The following GABRB3 variants were observed in gnomAD, a reference collection of about 807,000 sequenced individuals.
GABRB3 encodes gamma-aminobutyric acid receptor subunit beta-3.
GABRB3 carries 14 observed loss-of-function variants against 52.1 expected under a neutral mutation model. The ratio of observed to expected loss-of-function variants is 0.27; its 90% CI spans 0.18 to 0.42. The LOEUF (loss-of-function observed/expected upper bound fraction) is 0.42, where lower values mean the gene tolerates loss of function less well. GABRB3 is among the 10% of genes least tolerant of loss of function. The pLI is 1.00. For synonymous variants in GABRB3, 260 were observed against 232.3 expected (o/e 1.12, Z -1.08); for missense variants, 307 against 609.1 (o/e 0.50, Z 5.22).
At chr15:26,579,082 T>C (rs1595455494) in intron 6 of GABRB3, among the ~76,000 whole-genome samples, 1 of 152,200 alleles carries the variant, frequency 6.6e-6, no homozygotes, top group East Asian at 1.9e-4. Context: ...ACTTTGGCTC[T>C]TAGGGGCTGG....
At chr15:26,549,268 G>A (rs1889370459) in intron 8 of GABRB3, among the ~76,000 whole-genome samples, 1 of 152,216 alleles carries the variant, frequency 6.6e-6, no homozygotes, top group South Asian at 2.1e-4. Flanking sequence ...GAGGTGAGGT[G>A]GTGAGAGGAG....
At chr15:26,664,869 T>G (rs1887660588) in intron 3 of GABRB3, among the ~76,000 whole-genome samples, 1 of 151,836 alleles carries the variant, frequency 6.6e-6, no homozygotes, top group African/African-American at 2.4e-5. Flanking sequence ...CCCAGCTAAT[T>G]TTGTATTTTT....
chr15:26,708,864 G>T (rs1486218745), intron 3 of GABRB3, among the ~76,000 whole-genome samples: 2 of 152,178 alleles, frequency 1.3e-5, no homozygotes, highest in Non-Finnish European at 2.9e-5. Context: ...ATGAGGATCA[G>T]TACAGGACCT....
At chr15:26,554,176 G>GTATATATATATATATATATATA (rs71130258) in intron 8 of GABRB3, among the ~76,000 whole-genome samples, 701 of 27,310 alleles carry the variant, frequency 0.026, 88 homozygotes, top group South Asian at 0.061. Flanking sequence ...TATATATAAA[G>GTATATATATATATATATATATA]TATATATATA....
rs74947069 is a variant in GABRB3 at position 26,615,091 on chromosome 15, A to G, written c.461+6223T>C. 1.7e-3 allele frequency: 263 copies of G among 158,404 alleles called. 2 individuals are homozygous for G. Among genetic ancestry groups the G allele is most frequent in the Middle Eastern group, 6.4e-3 (2 of 314 alleles). 9.8% of individuals were successfully genotyped at this position (158,404 alleles called of 1,614,324 possible). A position where few individuals can be genotyped will look rare whatever the true frequency, so the allele number is the denominator to read the frequency against. On this transcript the variant is annotated intron_variant, in intron 4 of 8. Coordinates refer to ENST00000311550, the MANE Select transcript of GABRB3 (RefSeq NM_000814.6). ...TATGCTTAATGATGCAAGGTGAGAC[A>G]TTCAATGACATCCGAGGGCCAAGAG... is the stretch of plus-strand genomic sequence containing the variant.
intron 4 of GABRB3, among the ~76,000 whole-genome samples, chr15:26,620,773 G>A (rs1892453176): frequency 7.2e-6 from 1 of 139,520 alleles, no homozygotes; most frequent in African/African-American, 2.4e-5. Flanking sequence ...ACTCAGGAAG[G>A]CAGCCTGGTT....
chr15:26,615,762 G>A (rs1892230355), intron 4 of GABRB3: 5 of 1,133,820 alleles, frequency 4.4e-6, no homozygotes, highest in African/African-American at 1.6e-5. Flanking sequence ...GAGGAGCTAA[G>A]TGGCGACTGA....
At chr15:26,665,411 T>A (rs1480398962) in intron 3 of GABRB3, among the ~76,000 whole-genome samples, 1 of 152,256 alleles carries the variant, frequency 6.6e-6, no homozygotes, top group African/African-American at 2.4e-5. Context: ...AAACTGTTAT[T>A]TGTAAGGCTG....
intron 4 of GABRB3, among the ~76,000 whole-genome samples, chr15:26,598,959 A>C (rs1165704431): frequency 6.6e-6 from 1 of 152,204 alleles, no homozygotes; most frequent in Non-Finnish European, 1.5e-5. Context: ...GCTAGTCAAC[A>C]TGCTCAGCCT....
chr15:26,548,841 T>C (rs1055269799), intron 8 of GABRB3, among the ~76,000 whole-genome samples: 1 of 152,234 alleles, frequency 6.6e-6, no homozygotes, highest in Non-Finnish European at 1.5e-5. Flanking sequence ...CCATTCTGTT[T>C]GTGGGTTGGT....
At position 26,544,569 on chromosome 15, in the gene GABRB3, T is replaced by C. The variant is rs1278575800; in HGVS notation, c.*3224A>G. ...AATGGATGTCGCATGGTATAGACAGTGAAACCCCTCCACAGTCCCGGGGTT... is the reference window on the plus strand; with the variant it reads ...AATGGATGTCGCATGGTATAGACAGCGAAACCCCTCCACAGTCCCGGGGTT... On this transcript the variant is annotated 3_prime_UTR_variant, in exon 9 of 9. Transcript: ENST00000311550. 1.3e-5 allele frequency: 2 copies of C among 152,184 alleles called. No homozygotes were observed. Among genetic ancestry groups the C allele is most frequent in the Admixed American group, 1.3e-4 (2 of 15,276 alleles). 9.4% of individuals were successfully genotyped at this position (152,184 alleles called of 1,614,324 possible). A position where few individuals can be genotyped will look rare whatever the true frequency, so the allele number is the denominator to read the frequency against.
At position 26,560,954 on chromosome 15, in the gene GABRB3, C is replaced by G. The variant is rs200057173; in HGVS notation, c.1058G>C (p.Arg353Pro). Residue 353 changes from arginine to proline, a missense_variant, in exon 8 of 9, where the codon CGT becomes CCT. Physicochemically the swap from Arg to Pro is moderately radical, Grantham distance 103 (BLOSUM62 -2). Transcript: ENST00000311550. ...TACCCGGTTGCTTTCGCTCTTTGAA[C>G]GGTCATTCTTTGCCTTGGCTGTCTT... The part of the protein sequence containing the change: ...AEKTAKAKND[R>P]SKSESNRVDA... 6.2e-7 allele frequency: 1 copy of G among 1,613,972 alleles called. No individual in the cohort carries two copies. Among genetic ancestry groups the G allele is most frequent in the South Asian group, 1.1e-5 (1 of 91,066 alleles).
At chr15:26,631,259 A>G (rs1892907037) in intron 3 of GABRB3, among the ~76,000 whole-genome samples, 1 of 152,250 alleles carries the variant, frequency 6.6e-6, no homozygotes, top group Non-Finnish European at 1.5e-5. Context: ...TGTATAATTC[A>G]GGCAGCTCAG....
intron 3 of GABRB3, among the ~76,000 whole-genome samples, chr15:26,646,165 G>A (rs1386065528): frequency 6.6e-6 from 1 of 152,002 alleles, no homozygotes; most frequent in Non-Finnish European, 1.5e-5. Flanking sequence ...TCTAACTTTA[G>A]AACATATCCC....
rs562669185 is a variant in GABRB3 at position 26,723,505 on chromosome 15, C to T, written c.240+48897G>A. Among the ~76,000 whole-genome samples, 4 of 152,256 alleles carry T rather than the reference C, an allele frequency of 2.6e-5. No individual in the cohort carries two copies. In the South Asian group the frequency reaches 8.3e-4, roughly 32 times the overall value. ...ACATTTAATTTAAGCAAATAATTAT[C>T]TTCACAGATATGAAGATAGAATGTG... On this transcript the variant is annotated intron_variant, in intron 3 of 8. Transcript: ENST00000311550.
intron 3 of GABRB3, among the ~76,000 whole-genome samples, chr15:26,670,530 C>G (rs2140629667): frequency 6.6e-6 from 1 of 152,236 alleles, no homozygotes; most frequent in South Asian, 2.1e-4. Flanking sequence ...AGGCCCGTGC[C>G]GACCGCAGCT....
At chr15:26,715,688 T>G (rs1282832815) in intron 3 of GABRB3, among the ~76,000 whole-genome samples, 1 of 152,178 alleles carries the variant, frequency 6.6e-6, no homozygotes, top group African/African-American at 2.4e-5. Context: ...GTTGTTAAGG[T>G]GCATGGTGTT....
chr15:26,654,093 T>C (rs188596446), intron 3 of GABRB3, among the ~76,000 whole-genome samples: 1 of 152,342 alleles, frequency 6.6e-6, no homozygotes, highest in East Asian at 1.9e-4. Flanking sequence ...ACTATAAATA[T>C]ACAAAGTTTG....
At chr15:26,740,581 A>C (rs971186479) in intron 3 of GABRB3, among the ~76,000 whole-genome samples, 1 of 152,080 alleles carries the variant, frequency 6.6e-6, no homozygotes, top group African/African-American at 2.4e-5. Flanking sequence ...TGGAGCACCC[A>C]AGGGACCAGG....
Sources: allele counts gnomAD v4.1 joint callset (sites outside exome capture counted in the v4.1 genomes callset), GRCh38; gene constraint gnomAD v4.1.1; transcripts MANE v1.5; gene names NCBI Gene and HGNC (gene_info 2026-07-23, HGNC 2026-07-21).